The following IQCJ variants were observed in gnomAD, a reference collection of about 807,000 sequenced individuals.
IQCJ encodes the protein IQ motif containing J.
IQCJ carries 9 observed loss-of-function variants against 11.0 expected under a neutral mutation model. The ratio of observed to expected loss-of-function variants is 0.82; its 90% CI spans 0.49 to 1.43. The LOEUF is 1.43. IQCJ is among the 40% of genes most tolerant of loss of function. The probability of loss-of-function intolerance (pLI) is 0.00; values close to 1 mark genes in which losing one functional copy is unlikely to be tolerated. For missense variants in IQCJ, 146 were observed against 133.2 expected (o/e 1.10, Z -0.47); for synonymous variants, 55 against 51.3 (o/e 1.07, Z -0.31).
chr3:159,089,306 C>CTTCCCT (rs1198386661), intron 1 of IQCJ, among the ~76,000 whole-genome samples: 1 of 152,202 alleles, frequency 6.6e-6, no homozygotes, highest in Non-Finnish European at 1.5e-5. Context: ...GTCTGATGGG[C>CTTCCCT]TTCCCTTTGA....
intron 1 of IQCJ, among the ~76,000 whole-genome samples, chr3:159,206,993 C>T (rs1164043048): frequency 1.3e-5 from 2 of 152,146 alleles, no homozygotes. Context: ...TTTGTATTTG[C>T]TGACTCCCTA....
At chr3:159,192,642 C>T (rs1488461990) in intron 1 of IQCJ, among the ~76,000 whole-genome samples, 1 of 152,156 alleles carries the variant, frequency 6.6e-6, no homozygotes. Flanking sequence ...GAACCTTAGG[C>T]AAGGAGGCCC....
chr3:159,088,935 G>T (rs1717016802), intron 1 of IQCJ, among the ~76,000 whole-genome samples: 1 of 151,640 alleles, frequency 6.6e-6, no homozygotes, highest in Non-Finnish European at 1.5e-5. Context: ...AGTTAATATT[G>T]TTATGTGTGA....
intron 1 of IQCJ, among the ~76,000 whole-genome samples, chr3:159,166,558 C>T (rs1722175919): frequency 6.6e-6 from 1 of 152,168 alleles, no homozygotes; most frequent in East Asian, 1.9e-4. Context: ...CTTTACTCCC[C>T]CAAATAAATT....
chr3:159,228,707 C>T (rs1329732452), intron 1 of IQCJ, among the ~76,000 whole-genome samples: 1 of 151,748 alleles, frequency 6.6e-6, no homozygotes, highest in Non-Finnish European at 1.5e-5. Flanking sequence ...AGGACAGTGG[C>T]CAGGAGAGTG....
chr3:159,177,681 G>T (rs1722868757), intron 1 of IQCJ, among the ~76,000 whole-genome samples: 1 of 152,156 alleles, frequency 6.6e-6, no homozygotes, highest in African/African-American at 2.4e-5. Context: ...GTGGTTGCAT[G>T]ATTGTAGCAT....
chr3:159,092,173 A>G (rs1717360596), intron 1 of IQCJ, among the ~76,000 whole-genome samples: 1 of 151,856 alleles, frequency 6.6e-6, no homozygotes, highest in South Asian at 2.1e-4. Flanking sequence ...TTGCAGTAAG[A>G]TGAATACAAT....
chr3:159,189,187 A>G (rs1723542682), intron 1 of IQCJ, among the ~76,000 whole-genome samples: 1 of 152,202 alleles, frequency 6.6e-6, no homozygotes, highest in African/African-American at 2.4e-5. Context: ...AGCCAAATAA[A>G]TAATAGTGAC....
At chr3:159,249,902 T>TACACAC (rs10567080) in intron 2 of IQCJ, among the ~76,000 whole-genome samples, 3,079 of 150,386 alleles carry the variant, frequency 0.02, 34 homozygotes, top group African/African-American at 0.032. Flanking sequence ...TGCATTTGTG[T>TACACAC]ACACACACAC....
chr3:159,090,406 A>C (rs900152273), intron 1 of IQCJ, among the ~76,000 whole-genome samples: 2 of 151,708 alleles, frequency 1.3e-5, no homozygotes, highest in Admixed American at 6.6e-5. Flanking sequence ...AGCTGTTCCT[A>C]TTTGGCCATC....
chr3:159,162,888 C>G (rs571021349), intron 1 of IQCJ, among the ~76,000 whole-genome samples: 1 of 152,296 alleles, frequency 6.6e-6, no homozygotes, highest in South Asian at 2.1e-4. Context: ...AGTTGAATCT[C>G]TGAATAGACC....
intron 1 of IQCJ, among the ~76,000 whole-genome samples, chr3:159,182,593 A>G (rs1723154805): frequency 6.6e-6 from 1 of 151,598 alleles, no homozygotes. Flanking sequence ...AGGGCTCACA[A>G]CTCTAAGGGG....
At chr3:159,183,997 G>A (rs1011407843) in intron 1 of IQCJ, among the ~76,000 whole-genome samples, 7 of 150,998 alleles carry the variant, frequency 4.6e-5, no homozygotes, top group Non-Finnish European at 8.8e-5. Context: ...AGTTGCCCAC[G>A]CAGCAGCCAG....
At chr3:159,143,607 A>G (rs1339876179) in intron 1 of IQCJ, among the ~76,000 whole-genome samples, 1 of 152,188 alleles carries the variant, frequency 6.6e-6, no homozygotes, top group Non-Finnish European at 1.5e-5. Flanking sequence ...GAAGTTAAAC[A>G]TTAGTTTCCT....
chr3:159,253,635 ACT>A (rs1553794578), intron 3 of IQCJ, among the ~76,000 whole-genome samples: 7 of 146,186 alleles, frequency 4.8e-5, no homozygotes, highest in Middle Eastern at 3.3e-3. Context: ...ACACACACAC[ACT>A]CACACACTCA....
At chr3:159,085,777 T>A (rs1237844156) in intron 1 of IQCJ, among the ~76,000 whole-genome samples, 2 of 151,854 alleles carry the variant, frequency 1.3e-5, no homozygotes, top group Non-Finnish European at 2.9e-5. Context: ...TTTTTTTTTC[T>A]TGTAAATTTG....
At chr3:159,261,346 CT>C (rs1217617704) in intron 3 of IQCJ, among the ~76,000 whole-genome samples, 6 of 152,186 alleles carry the variant, frequency 3.9e-5, no homozygotes, top group East Asian at 1.9e-4. Flanking sequence ...GTGACCCCCC[CT>C]ATGAAAATCG....
rs1718732315 is a variant in IQCJ, at chr3:159,112,994, GTAA to G, written c.9+43555_9+43557del. Among the ~76,000 whole-genome samples the G allele has an allele frequency of 3.3e-5, 5 of 152,272 alleles. 1 individual carries two copies. In the South Asian group the frequency reaches 1.0e-3, roughly 32 times the overall value. On this transcript the variant is annotated intron_variant, in intron 1 of 3. Transcript: ENST00000397832. ...ACAGTACATTTAAGAAAATTTCTCT[GTAA>G]TGTGTGATTAATTTGGGCTGCTCTG...
At chr3:159,245,788 A>G (rs1039380724) in intron 1 of IQCJ, 55 bp from the exon 2 acceptor site, 20 of 1,422,234 alleles carry the variant, frequency 1.4e-5, no homozygotes, top group Non-Finnish European at 1.6e-5. Context: ...CTTGAATAGC[A>G]TTGCTCGGAA....
Sources: allele counts gnomAD v4.1 joint callset (sites outside exome capture counted in the v4.1 genomes callset), GRCh38; gene constraint gnomAD v4.1.1; transcripts MANE v1.5; gene names NCBI Gene and HGNC (gene_info 2026-07-23, HGNC 2026-07-21).